Variants in CDC14A observed in about 807,000 individuals in gnomAD.
The protein encoded by CDC14A is dual specificity protein phosphatase CDC14A.
CDC14A carries 53 observed loss-of-function variants against 74.4 expected under a neutral mutation model. The observed-to-expected ratio is 0.71, with a 90% CI of 0.57 to 0.89. CDC14A has a LOEUF of 0.89. Among genes scored for constraint, CDC14A ranks in the 40% least tolerant of loss-of-function variants. The probability of loss-of-function intolerance (pLI) is 0.00; values close to 1 mark genes in which losing one functional copy is unlikely to be tolerated. For missense variants in CDC14A, 646 were observed against 713.7 expected (o/e 0.91, Z 1.08); for synonymous variants, 247 against 258.4 (o/e 0.96, Z 0.43).
chr1:100,484,645 A>T, intron 11 of CDC14A, 194 bp downstream of exon 11: 1 of 1,177,276 alleles, frequency 8.5e-7, no homozygotes, highest in Non-Finnish European at 1.0e-6. Context: ...AAAAAGCTAT[A>T]ATTTAAGGAG....
chr1:100,441,935 G>A (rs964373777), intron 6 of CDC14A, among the ~76,000 whole-genome samples: 1 of 152,052 alleles, frequency 6.6e-6, no homozygotes, highest in African/African-American at 2.4e-5. Context: ...CTGGAGCTTG[G>A]CTTGCTAGTT....
chr1:100,467,804 G>T, intron 9 of CDC14A, 152 bp from the exon 10 acceptor site: 1 of 669,578 alleles, frequency 1.5e-6, no homozygotes, highest in Non-Finnish European at 2.4e-6. Context: ...AAGAAAAATT[G>T]GGTTTTACAT....
chr1:100,480,416 T>C (rs1168060418), intron 10 of CDC14A, among the ~76,000 whole-genome samples: 1 of 152,256 alleles, frequency 6.6e-6, no homozygotes, highest in Non-Finnish European at 1.5e-5. Flanking sequence ...GAGTTATTTC[T>C]ACCTTTTGGT....
intron 10 of CDC14A, among the ~76,000 whole-genome samples, chr1:100,472,686 T>C (rs111775450): frequency 1.3e-5 from 2 of 152,052 alleles, no homozygotes; most frequent in African/African-American, 2.4e-5. Context: ...AAAAAGTTTA[T>C]AGTTTTACAT....
In CDC14A at chr1:100,353,941, C is replaced by A. The variant is rs1557673206; in HGVS notation, c.140+89C>A. ...TATGCACTTTTATGGCAGTTTTATT[C>A]ATTTCCCCCCCAATGATACGAGTAA... is the stretch of plus-strand genomic sequence containing the variant. On this transcript the variant is annotated intron_variant, in intron 2 of 15. Transcript: ENST00000336454. The A allele has an allele frequency of 5.6e-6, 4 of 712,872 alleles. No homozygotes were observed. In the East Asian group the frequency reaches 8.2e-5, roughly 15 times the overall value. 44.2% of individuals were successfully genotyped at this position (712,872 alleles called of 1,614,324 possible).
At chr1:100,413,512 TATA>T in intron 4 of CDC14A, among the ~76,000 whole-genome samples, 1 of 152,228 alleles carries the variant, frequency 6.6e-6, no homozygotes, top group East Asian at 1.9e-4. Context: ...GTTCCTTAAG[TATA>T]TACTCTAGTT....
chr1:100,486,264 G>T (rs1396392449), intron 11 of CDC14A, among the ~76,000 whole-genome samples: 2 of 152,080 alleles, frequency 1.3e-5, no homozygotes, highest in Non-Finnish European at 2.9e-5. Context: ...TTAACATCTG[G>T]TAGTTAGAAC....
Position 100,365,941 on chromosome 1 carries a change from T to TACACACACACACACACACAC in CDC14A, c.141-11588_141-11569dup, listed in dbSNP as rs34281009. 2.2e-4 allele frequency among the ~76,000 whole-genome samples: 32 copies of TACACACACACACACACACAC among 142,394 alleles called. 1 individual carries two copies. Among genetic ancestry groups the TACACACACACACACACACAC allele is most frequent in the African/African-American group, 6.3e-4 (24 of 38,270 alleles). 93.4% of individuals were successfully genotyped at this position (142,394 alleles called of 152,430 possible). A position where few individuals can be genotyped will look rare whatever the true frequency, so the allele number is the denominator to read the frequency against. The stretch of plus-strand genomic sequence containing the variant: ...TTGCTGATCAATTTCAACAAAATTT[T>TACACACACACACACACACAC]ACACACACACACACACACACACACA... On this transcript the variant is annotated intron_variant, in intron 2 of 15. Coordinates refer to ENST00000336454, the MANE Select transcript of CDC14A (RefSeq NM_003672.4).
At chr1:100,434,706 C>T (rs941808919) in intron 5 of CDC14A, among the ~76,000 whole-genome samples, 3 of 151,978 alleles carry the variant, frequency 2.0e-5, no homozygotes, top group Non-Finnish European at 4.4e-5. Flanking sequence ...AGACAGGGAG[C>T]GCTGCAAGAC....
At chr1:100,505,825 A>G (rs778391814) in intron 15 of CDC14A, among the ~76,000 whole-genome samples, 6 of 152,160 alleles carry the variant, frequency 3.9e-5, no homozygotes, top group Non-Finnish European at 8.8e-5. Flanking sequence ...TTGGCTCACA[A>G]TTCTGTGGGC....
Position 100,352,611 on chromosome 1 carries a change from A to C in CDC14A, c.-344A>C. 8.7e-7 allele frequency: 1 copy of C among 1,149,372 alleles called. No homozygotes were observed. Among genetic ancestry groups the C allele is most frequent in the East Asian group, 6.4e-5 (1 of 15,622 alleles). The allele number at this position is 1,149,372 out of a possible 1,614,324, so 71.2% of individuals were successfully genotyped here. A position where few individuals can be genotyped will look rare whatever the true frequency, so the allele number is the denominator to read the frequency against. On this transcript the variant is annotated 5_prime_UTR_variant, in exon 1 of 16. Coordinates refer to ENST00000336454, the MANE Select transcript of CDC14A (RefSeq NM_003672.4). ...TCTCCTCCTCCATGATCACTTTGGA[A>C]GCCGGGGGAAGACTTTGCCCTGCCC...
chr1:100,401,357 A>G (rs978862479), intron 4 of CDC14A, among the ~76,000 whole-genome samples: 9 of 152,210 alleles, frequency 5.9e-5, no homozygotes, highest in Admixed American at 2.6e-4. Flanking sequence ...TAATTGATAA[A>G]TAAGTCTTGG....
chr1:100,423,875 C>T (rs1662642809), intron 4 of CDC14A: 2 of 193,216 alleles, frequency 1.0e-5, no homozygotes, highest in Non-Finnish European at 2.2e-5. Context: ...CTCAGGTCTT[C>T]GATGAAGGTC....
intron 4 of CDC14A, among the ~76,000 whole-genome samples, chr1:100,400,622 T>G (rs1437111112): frequency 6.6e-6 from 1 of 152,210 alleles, no homozygotes; most frequent in African/African-American, 2.4e-5. Flanking sequence ...AATGGGCCAG[T>G]CTTTTATCTT....
intron 10 of CDC14A, among the ~76,000 whole-genome samples, chr1:100,468,324 T>C (rs1343903709): frequency 6.6e-6 from 1 of 152,244 alleles, no homozygotes; most frequent in African/African-American, 2.4e-5. Context: ...CAGAGCCATC[T>C]CTGCCTACCC....
intron 2 of CDC14A, among the ~76,000 whole-genome samples, chr1:100,356,160 C>G (rs954077830): frequency 6.6e-5 from 10 of 152,108 alleles, no homozygotes; most frequent in African/African-American, 2.2e-4. Context: ...TGGCTGGGGA[C>G]AGAATGAATG....
chr1:100,419,326 G>C (rs1162980856), intron 4 of CDC14A, among the ~76,000 whole-genome samples: 4 of 152,228 alleles, frequency 2.6e-5, no homozygotes, highest in Non-Finnish European at 5.9e-5. Flanking sequence ...GGCTGACTGG[G>C]AGGAACCCCT....
chr1:100,406,599 G>A (rs1193828359), intron 4 of CDC14A, among the ~76,000 whole-genome samples: 1 of 151,976 alleles, frequency 6.6e-6, no homozygotes, highest in African/African-American at 2.4e-5. Context: ...TCTGCTTATG[G>A]CTAGCCAGCT....
intron 3 of CDC14A, among the ~76,000 whole-genome samples, chr1:100,386,363 T>TTG (rs1468289229): frequency 6.6e-6 from 1 of 152,220 alleles, no homozygotes; most frequent in Non-Finnish European, 1.5e-5. Context: ...TTTATTGGAA[T>TTG]TGACCAATTT....
Sources: gnomAD v4.1 joint callset for allele counts (sites outside exome capture counted in the v4.1 genomes callset) on GRCh38, gnomAD v4.1.1 for gene constraint, MANE v1.5 for transcripts, NCBI Gene and HGNC (gene_info 2026-07-23, HGNC 2026-07-21) for gene names.